The following SLC9B2 variants were observed in gnomAD, a reference collection of about 807,000 sequenced individuals.
The protein encoded by SLC9B2 is solute carrier family 9 member B2, also known as sodium/hydrogen exchanger 9B2.
A neutral mutation model predicts 52.2 loss-of-function variants in SLC9B2; 39 were observed. That is an observed-to-expected ratio of 0.75 (90% CI 0.58 to 0.98). SLC9B2 has a LOEUF of 0.98. Ranked by LOEUF, SLC9B2 falls within the 50% of genes least tolerant of loss-of-function variation. SLC9B2 has a pLI of 0.00. For synonymous variants in SLC9B2, 214 were observed against 227.0 expected, an observed-to-expected ratio of 0.94 and a Z score of 0.51; for missense variants, 626 against 637.5, an observed-to-expected ratio of 0.98 and a Z score of 0.19.
chr4:103,069,643 C>T (rs963669871), intron 1 of SLC9B2, among the ~76,000 whole-genome samples: 8 of 152,098 alleles, frequency 5.3e-5, no homozygotes, highest in African/African-American at 1.9e-4. Flanking sequence ...CTACTTAATC[C>T]CATTGATTTT....
At chr4:103,041,396 G>A (rs573025237) in intron 9 of SLC9B2, among the ~76,000 whole-genome samples, 104 of 152,248 alleles carry the variant, frequency 6.8e-4, no homozygotes, top group African/African-American at 2.3e-3. Context: ...TGTAAACAAA[G>A]GGAACAATGG....
rs537083798 is a variant in SLC9B2, at chr4:103,045,557, C to A, written c.890-561G>T. 4.6e-5 allele frequency among the ~76,000 whole-genome samples: 7 copies of A among 151,312 alleles called. No individual in the cohort carries two copies. The South Asian group carries it at 1.5e-3, about 32-fold the overall frequency. ...AGTCTTGGGCCCCACCCCTAAAAAT[C>A]TGATTCAGTAAGTCTAGCAGGGCTC... is the stretch of plus-strand genomic sequence containing the variant. On this transcript the variant is annotated intron_variant, in intron 7 of 11. Coordinates refer to ENST00000394785, the MANE Select transcript of SLC9B2 (RefSeq NM_178833.7).
rs746332179 is a variant in SLC9B2, at chr4:103,067,641, A to G, written c.-42-49T>C. On this transcript the variant is annotated intron_variant, in intron 1 of 11. Transcript: ENST00000394785. The stretch of plus-strand genomic sequence containing the variant: ...AGAGCAGTAATTTGAAAGTCTTGTG[A>G]TTTCAAAGACTTTGGATTGTACTTA... 4.8e-6 allele frequency: 5 copies of G among 1,037,966 alleles called. No homozygotes were observed. In the South Asian group the frequency reaches 5.2e-5, roughly 11 times the overall value. The allele number at this position is 1,037,966 out of a possible 1,614,324, so 64.3% of individuals were successfully genotyped here. A position where few individuals can be genotyped will look rare whatever the true frequency, so the allele number is the denominator to read the frequency against.
intron 10 of SLC9B2, 66 bp downstream of exon 10, chr4:103,031,634 C>A: frequency 8.5e-7 from 1 of 1,174,392 alleles, no homozygotes. Context: ...AAAAAGTAGA[C>A]TTTATTGGTG....
At chr4:103,047,345 T>C in intron 6 of SLC9B2, 119 bp from the exon 7 acceptor site, 1 of 925,524 alleles carries the variant, frequency 1.1e-6, no homozygotes, top group South Asian at 2.4e-5. Context: ...TCTTTTTTTT[T>C]TTCTAAATTA....
At chr4:103,065,555 C>T (rs1289194415) in intron 3 of SLC9B2, 1 of 152,082 alleles carries the variant, frequency 6.6e-6, no homozygotes, top group Non-Finnish European at 1.5e-5. Flanking sequence ...ATACTGTCTT[C>T]TTAAAAAAAC....
intron 3 of SLC9B2, among the ~76,000 whole-genome samples, chr4:103,060,280 G>A (rs1745507690): frequency 6.7e-6 from 1 of 149,092 alleles, no homozygotes; most frequent in South Asian, 2.1e-4. Flanking sequence ...TTATTTGCCA[G>A]TTCACCATTT....
intron 1 of SLC9B2, among the ~76,000 whole-genome samples, chr4:103,069,709 T>C (rs1197767973): frequency 6.6e-6 from 1 of 152,252 alleles, no homozygotes; most frequent in African/African-American, 2.4e-5. Context: ...CAGGTGGATG[T>C]AACATTCATT....
chr4:103,018,442 A>C (rs1437441440), downstream of SLC9B2, among the ~76,000 whole-genome samples: 2 of 152,236 alleles, frequency 1.3e-5, no homozygotes, highest in East Asian at 3.8e-4. Flanking sequence ...ATACCTATGA[A>C]TGCCCTTTTC....
upstream of SLC9B2, chr4:103,076,797 C>T (rs992993566): frequency 6.6e-6 from 1 of 152,318 alleles, no homozygotes; most frequent in East Asian, 1.9e-4. Context: ...GCGCAGGCTC[C>T]TCGGGACTCC....
At chr4:103,052,261 C>T (rs1455637875) in intron 4 of SLC9B2, among the ~76,000 whole-genome samples, 9 of 152,218 alleles carry the variant, frequency 5.9e-5, no homozygotes, top group Non-Finnish European at 2.9e-5. Context: ...GTGCAGTTCA[C>T]AATAGAACTC....
intron 5 of SLC9B2, 108 bp downstream of exon 5, chr4:103,050,131 CA>C (rs1460056557): frequency 3.2e-6 from 3 of 951,366 alleles, no homozygotes; most frequent in Non-Finnish European, 2.9e-6. Flanking sequence ...TCAAGAATGT[CA>C]TGCAAAGTGT....
intron 1 of SLC9B2, among the ~76,000 whole-genome samples, chr4:103,072,990 T>G (rs1746802729): frequency 6.6e-6 from 1 of 152,048 alleles, no homozygotes; most frequent in Non-Finnish European, 1.5e-5. Context: ...CTCTTTCCCT[T>G]CCACCATCTG....
chr4:103,035,509 T>C (rs1201577755), intron 9 of SLC9B2, among the ~76,000 whole-genome samples: 5 of 152,218 alleles, frequency 3.3e-5, no homozygotes, highest in Admixed American at 1.3e-4. Flanking sequence ...AGTAATAGGA[T>C]TGCTGAGTCA....
rs1195671386 is a variant in SLC9B2, at chr4:103,024,259, C to T, written c.*2111G>A. Among the ~76,000 whole-genome samples, 1 of 152,114 alleles carries T rather than the reference C, an allele frequency of 6.6e-6. No individual in the cohort carries two copies. The highest frequency in any genetic ancestry group is 6.5e-5 in the Admixed American group (1 of 15,268). On this transcript the variant is annotated 3_prime_UTR_variant, in exon 12 of 12. Transcript: ENST00000394785. ...TTCAGTAAGTATTTTTTGGATGCAT[C>T]TACTTTTAGAGCCTGCAAAAATAGA...
chr4:103,026,004 G>C lies in SLC9B2; in HGVS notation c.*366C>G, dbSNP rs1742158034. 6.2e-6 allele frequency: 1 copy of C among 160,574 alleles called. No homozygotes were observed. The highest frequency in any genetic ancestry group is 2.4e-5 in the African/African-American group (1 of 41,720). The allele number at this position is 160,574 out of a possible 1,614,324, so 9.9% of individuals were successfully genotyped here. ...AACCAATTCAAGGCATCAGAGCCTGGGCAAATATGAATCAGGAAACTGTGA... is the reference window on the plus strand; with the variant it reads ...AACCAATTCAAGGCATCAGAGCCTGCGCAAATATGAATCAGGAAACTGTGA... On this transcript the variant is annotated 3_prime_UTR_variant, in exon 12 of 12. Transcript: ENST00000394785.
intron 3 of SLC9B2, among the ~76,000 whole-genome samples, chr4:103,059,944 A>G (rs1054137564): frequency 6.6e-6 from 1 of 151,928 alleles, no homozygotes; most frequent in Non-Finnish European, 1.5e-5. Flanking sequence ...GTTGAGTGTT[A>G]TTGTTTCTCC....
intron 4 of SLC9B2, among the ~76,000 whole-genome samples, chr4:103,054,652 G>T (rs1181836270): frequency 6.6e-6 from 1 of 152,172 alleles, no homozygotes; most frequent in African/African-American, 2.4e-5. Context: ...TTTATAAAGA[G>T]AATTAGTCTG....
rs887051126 is a variant in SLC9B2 at position 103,026,124 on chromosome 4, T to C, written c.*246A>G. 1 of 382,684 alleles carries C rather than the reference T, an allele frequency of 2.6e-6. No homozygotes were observed. Among genetic ancestry groups the C allele is most frequent in the Non-Finnish European group, 4.7e-6 (1 of 212,964 alleles). The allele number at this position is 382,684 out of a possible 1,614,324, so 23.7% of individuals were successfully genotyped here. On this transcript the variant is annotated 3_prime_UTR_variant, in exon 12 of 12. Coordinates refer to ENST00000394785, the MANE Select transcript of SLC9B2 (RefSeq NM_178833.7). ...CTGTGGTAGTACATTAAAGTAGATA[T>C]GTCCTTATGCAAATTAAGATGGATG...
Sources: allele counts gnomAD v4.1 joint callset (sites outside exome capture counted in the v4.1 genomes callset), GRCh38; gene constraint gnomAD v4.1.1; transcripts MANE v1.5; gene names NCBI Gene and HGNC (gene_info 2026-07-23, HGNC 2026-07-21).